The following PARVA variants were observed in gnomAD, a reference collection of about 807,000 sequenced individuals.
PARVA encodes the protein alpha-parvin.
In PARVA, 25 loss-of-function variants were observed where a neutral mutation model predicts 52.6. The ratio of observed to expected loss-of-function variants is 0.48; its 90% CI spans 0.35 to 0.66. The LOEUF is 0.66. Among genes scored for constraint, PARVA ranks in the 30% least tolerant of loss-of-function variants. PARVA has a pLI of 0.01. For missense variants in PARVA, 373 were observed against 450.9 expected (o/e 0.83, Z 1.56); for synonymous variants, 185 against 179.1 (o/e 1.03, Z -0.26).
intron 1 of PARVA, among the ~76,000 whole-genome samples, chr11:12,433,112 G>A (rs1940338021): frequency 6.6e-6 from 1 of 152,204 alleles, no homozygotes; most frequent in Non-Finnish European, 1.5e-5. Context: ...TAGGTCAAAT[G>A]CTAAATTCCT....
chr11:12,423,095 C>G (rs1940176043), intron 1 of PARVA, among the ~76,000 whole-genome samples: 2 of 152,000 alleles, frequency 1.3e-5, no homozygotes, highest in African/African-American at 4.8e-5. Flanking sequence ...CTCAGGTGAT[C>G]TGTCCACCTT....
intron 1 of PARVA, among the ~76,000 whole-genome samples, chr11:12,436,089 T>TG (rs1485109263): frequency 3.9e-5 from 6 of 152,180 alleles, no homozygotes; most frequent in Admixed American, 2.0e-4. Flanking sequence ...CCCAAAGTGC[T>TG]GGGATTACAG....
chr11:12,411,066 A>G (rs58550794), intron 1 of PARVA, among the ~76,000 whole-genome samples: 13,387 of 152,264 alleles, frequency 0.088, 635 homozygotes, highest in African/African-American at 0.13. Context: ...TATAGCTACC[A>G]AATAAATGTT....
rs1033417036 is a variant in PARVA at position 12,472,561 on chromosome 11, G to T, written c.137-1184G>T. On this transcript the variant is annotated intron_variant, in intron 1 of 12. Transcript: ENST00000334956. Reference sequence around the variant, plus strand: ...AGTGTTTCACTCCCTTTGTTTCTCAGTCTCCTTCCAGTCCAACTGCAGCTA... The same window carrying T: ...AGTGTTTCACTCCCTTTGTTTCTCATTCTCCTTCCAGTCCAACTGCAGCTA... 2.0e-5 allele frequency among the ~76,000 whole-genome samples: 3 copies of T among 152,148 alleles called. No individual in the cohort carries two copies. In the East Asian group the frequency reaches 5.8e-4, roughly 29 times the overall value.
intron 1 of PARVA, among the ~76,000 whole-genome samples, chr11:12,458,085 G>A (rs1244855213): frequency 1.3e-5 from 2 of 152,216 alleles, no homozygotes; most frequent in African/African-American, 2.4e-5. Context: ...GGGAGGAAAG[G>A]AATGAGTACA....
Position 12,533,244 on chromosome 11 carries a change from GC to G in PARVA, c.*5321del, listed in dbSNP as rs937955772. 1.3e-5 allele frequency among the ~76,000 whole-genome samples: 2 copies of G among 152,218 alleles called. No homozygotes were observed. The highest frequency in any genetic ancestry group is 4.8e-5 in the African/African-American group (2 of 41,448). On this transcript the variant is annotated 3_prime_UTR_variant, in exon 13 of 13. Coordinates refer to ENST00000334956, the MANE Select transcript of PARVA (RefSeq NM_018222.5). ...GGGAATGAAATAAGGGGCCTACCAG[GC>G]CAGAACGCTGATCCATGGAGACCAG...
At chr11:12,489,954 C>A (rs542371122) in intron 4 of PARVA, among the ~76,000 whole-genome samples, 14 of 151,976 alleles carry the variant, frequency 9.2e-5, no homozygotes, top group Non-Finnish European at 1.5e-4. Context: ...CAGTGGCTCA[C>A]GCCTATAATC....
chr11:12,493,280 C>T (rs4558151), intron 4 of PARVA, among the ~76,000 whole-genome samples: 50,655 of 150,770 alleles, frequency 0.34, 10,252 homozygotes, highest in East Asian at 0.54. Flanking sequence ...CACTTGAACC[C>T]GGGAGGCAGA....
intron 5 of PARVA, among the ~76,000 whole-genome samples, chr11:12,498,483 ATTTG>A (rs936763418): frequency 2.0e-5 from 3 of 149,976 alleles, no homozygotes; most frequent in African/African-American, 4.9e-5. Flanking sequence ...CTAGCTTTTC[ATTTG>A]TTTGTTTTCA....
chr11:12,409,967 G>A (rs1261194866), intron 1 of PARVA, among the ~76,000 whole-genome samples: 1 of 152,170 alleles, frequency 6.6e-6, no homozygotes, highest in Non-Finnish European at 1.5e-5. Context: ...GTCTGAGACA[G>A]CATCTTTGCT....
At chr11:12,461,148 G>A (rs1021958282) in intron 1 of PARVA, among the ~76,000 whole-genome samples, 1 of 152,148 alleles carries the variant, frequency 6.6e-6, no homozygotes, top group Non-Finnish European at 1.5e-5. Context: ...GCTCTGGAAG[G>A]CAGGTCCTTG....
intron 1 of PARVA, among the ~76,000 whole-genome samples, chr11:12,463,449 C>T (rs891670230): frequency 2.0e-5 from 3 of 152,090 alleles, no homozygotes; most frequent in African/African-American, 7.2e-5. Flanking sequence ...TTAGAATTGA[C>T]ATTTTTTCAT....
intron 1 of PARVA, among the ~76,000 whole-genome samples, chr11:12,461,799 G>T (rs969223163): frequency 6.6e-6 from 1 of 152,080 alleles, no homozygotes; most frequent in South Asian, 2.1e-4. Context: ...TAGGACTTGG[G>T]ACTATAGATC....
intron 1 of PARVA, among the ~76,000 whole-genome samples, chr11:12,403,060 A>G (rs145770985): frequency 6.6e-6 from 1 of 152,358 alleles, no homozygotes; most frequent in East Asian, 1.9e-4. Context: ...CTGCTGGCAC[A>G]TGCCTCGCTG....
chr11:12,436,883 C>T (rs894093030), intron 1 of PARVA, among the ~76,000 whole-genome samples: 3 of 152,118 alleles, frequency 2.0e-5, no homozygotes, highest in African/African-American at 4.8e-5. Context: ...AAGAACAACT[C>T]CAGAGTTTCA....
chr11:12,465,118 A>T (rs142979655), intron 1 of PARVA, among the ~76,000 whole-genome samples: 129 of 152,220 alleles, frequency 8.5e-4, no homozygotes, highest in African/African-American at 3.1e-3. Flanking sequence ...CTAGTTCCTA[A>T]CAGGCCATGG....
chr11:12,518,635 G>A (rs1480331996), intron 12 of PARVA, 118 bp downstream of exon 12: 3 of 749,996 alleles, frequency 4.0e-6, no homozygotes, highest in Non-Finnish European at 7.1e-6. Context: ...TGGGGAAGGT[G>A]GGACTCGGTG....
At chr11:12,497,170 TTA>T (rs1284181653) in intron 5 of PARVA, among the ~76,000 whole-genome samples, 34 of 152,184 alleles carry the variant, frequency 2.2e-4, no homozygotes, top group Admixed American at 2.2e-3. Context: ...ATAATAATTA[TTA>T]GTTTATAAAT....
chr11:12,396,723 A>G (rs1042617205), intron 1 of PARVA, among the ~76,000 whole-genome samples: 24 of 152,348 alleles, frequency 1.6e-4, no homozygotes, highest in African/African-American at 5.5e-4. Context: ...ACCAGTTGGT[A>G]TTATGACTTC....
Sources: allele counts gnomAD v4.1 joint callset (sites outside exome capture counted in the v4.1 genomes callset), GRCh38; gene constraint gnomAD v4.1.1; transcripts MANE v1.5; gene names NCBI Gene and HGNC (gene_info 2026-07-23, HGNC 2026-07-21).